ANKFN1: variants seen among roughly 807,000 people sequenced by gnomAD.
ANKFN1 encodes ankyrin repeat and fibronectin type-III domain-containing protein 1.
Under a neutral mutation model 108.7 loss-of-function variants are expected in ANKFN1, and 74 were observed. That is an observed-to-expected ratio of 0.68 (90% CI 0.56 to 0.83). The LOEUF (loss-of-function observed/expected upper bound fraction) is 0.83, where lower values mean the gene tolerates loss of function less well. Ranked by LOEUF, ANKFN1 falls within the 40% of genes least tolerant of loss-of-function variation. The pLI, the probability that ANKFN1 is intolerant of heterozygous loss-of-function variation, is 0.00. For synonymous variants in ANKFN1, 547 were observed against 516.2 expected, an observed-to-expected ratio of 1.06 and a Z score of -0.81; for missense variants, 1,505 against 1,382.3, an observed-to-expected ratio of 1.09 and a Z score of -1.41.
intron 1 of ANKFN1, among the ~76,000 whole-genome samples, chr17:56,207,887 T>C (rs1914662735): frequency 6.6e-6 from 1 of 152,200 alleles, no homozygotes; most frequent in Admixed American, 6.5e-5. Context: ...ATATCCATAG[T>C]TTAAGCAAAT....
intron 1 of ANKFN1, among the ~76,000 whole-genome samples, chr17:56,199,901 G>C (rs1331769138): frequency 1.3e-5 from 2 of 152,152 alleles, no homozygotes; most frequent in Non-Finnish European, 2.9e-5. Context: ...GCCAGTTCCA[G>C]TTCCTAAGCC....
chr17:56,482,443 G>A lies in ANKFN1; in HGVS notation c.2179G>A (p.Val727Ile), dbSNP rs765433509. The change falls in exon 18 of 21, where the codon GTC becomes ATC. Residue 727 changes from valine (V) to isoleucine (I), a missense_variant. Val to Ile is a conservative substitution (Grantham distance 29). Coordinates refer to ENST00000682825, the MANE Select transcript of ANKFN1 (RefSeq NM_001370326.1). ...FLLLLPASDD[V>I]CTAPGQNNPY... ...TCTCCTGCTCCCTGCCTCAGACGACGTCTGTACAGCCCCAGGACAGAATAA... is the reference window on the plus strand; with the variant it reads ...TCTCCTGCTCCCTGCCTCAGACGACATCTGTACAGCCCCAGGACAGAATAA... 162 of 1,613,540 alleles carry A rather than the reference G, an allele frequency of 1.0e-4. 2 individuals carry two copies. The highest frequency in any genetic ancestry group is 2.5e-4 in the South Asian group (23 of 90,984).
rs1173100959 is a variant in ANKFN1, at chr17:56,188,545, A to ATGTGTGTG, written c.-70-24043_-70-24036dup. On this transcript the variant is annotated intron_variant, in intron 1 of 20. Coordinates refer to ENST00000682825, the MANE Select transcript of ANKFN1 (RefSeq NM_001370326.1). ...ATATAAGAAATAAAATAAGATGTATATGTGTGTGTGTGTGTGTATGTGTGT... is the reference window on the plus strand; with the variant it reads ...ATATAAGAAATAAAATAAGATGTATATGTGTGTGTGTGTGTGTGTGTGTGTATGTGTGT... 1.6e-3 allele frequency among the ~76,000 whole-genome samples: 138 copies of ATGTGTGTG among 87,054 alleles called. 1 individual carries two copies. Among genetic ancestry groups the ATGTGTGTG allele is most frequent in the African/African-American group, 6.6e-3 (127 of 19,376 alleles). 57.1% of individuals were successfully genotyped at this position (87,054 alleles called of 152,430 possible).
intron 4 of ANKFN1, among the ~76,000 whole-genome samples, chr17:56,058,649 T>A (rs1233968975): frequency 2.0e-5 from 3 of 151,982 alleles, no homozygotes; most frequent in Non-Finnish European, 4.4e-5. Flanking sequence ...GTGTTCTCAT[T>A]GTTCAACTCA....
At chr17:56,085,207 A>ATC (rs1387648622) in intron 4 of ANKFN1, among the ~76,000 whole-genome samples, 2 of 133,638 alleles carry the variant, frequency 1.5e-5, no homozygotes, top group Non-Finnish European at 3.3e-5. Flanking sequence ...ATATATATAT[A>ATC]TCTCCACATC....
intron 3 of ANKFN1, among the ~76,000 whole-genome samples, chr17:56,251,909 T>A (rs986743237): frequency 6.6e-6 from 1 of 152,212 alleles, no homozygotes; most frequent in African/African-American, 2.4e-5. Flanking sequence ...ATCTATTTAG[T>A]AAATGCTTAC....
chr17:56,391,977 G>A lies in ANKFN1; in HGVS notation c.910+17263G>A, dbSNP rs567337947. Among the ~76,000 whole-genome samples the A allele has an allele frequency of 1.5e-4, 23 of 152,198 alleles. No homozygotes were observed. In the South Asian group the frequency reaches 2.9e-3, roughly 19 times the overall value. On this transcript the variant is annotated intron_variant, in intron 8 of 20. Coordinates refer to ENST00000682825, the MANE Select transcript of ANKFN1 (RefSeq NM_001370326.1). ...CGTGTCAGACTGTATTCTAGGCAGC[G>A]GGGATGTAACCATAAACAAACAGAC... is the stretch of plus-strand genomic sequence containing the variant.
chr17:56,458,713 G>A, intron 14 of ANKFN1, among the ~76,000 whole-genome samples: 1 of 152,026 alleles, frequency 6.6e-6, no homozygotes. Flanking sequence ...CTGCTACATG[G>A]GATTGGAGCC....
At chr17:56,261,085 G>A (rs1231392807) in intron 3 of ANKFN1, among the ~76,000 whole-genome samples, 1 of 152,206 alleles carries the variant, frequency 6.6e-6, no homozygotes, top group Non-Finnish European at 1.5e-5. Flanking sequence ...TTAAAAAGCA[G>A]TGACCTGGTG....
intron 3 of ANKFN1, among the ~76,000 whole-genome samples, chr17:56,240,471 T>G (rs1917497987): frequency 6.6e-6 from 1 of 152,122 alleles, no homozygotes; most frequent in Non-Finnish European, 1.5e-5. Flanking sequence ...TTGTTGCCAA[T>G]TTTTGCTATA....
At chr17:56,228,772 TCAA>T (rs1032496029) in intron 3 of ANKFN1, among the ~76,000 whole-genome samples, 21 of 152,028 alleles carry the variant, frequency 1.4e-4, no homozygotes, top group African/African-American at 4.6e-4. Flanking sequence ...AAGCAAGTAA[TCAA>T]CAACTATAAG....
intron 1 of ANKFN1, among the ~76,000 whole-genome samples, chr17:56,202,099 C>T (rs545160490): frequency 5.3e-5 from 8 of 152,252 alleles, no homozygotes; most frequent in African/African-American, 1.9e-4. Context: ...TTTCCAGAGG[C>T]CAGAAGGCAA....
chr17:56,104,555 G>A (rs1014585390), intron 4 of ANKFN1, among the ~76,000 whole-genome samples: 4 of 152,156 alleles, frequency 2.6e-5, no homozygotes, highest in African/African-American at 9.7e-5. Context: ...AGTCCCCTGT[G>A]GGTATCAGGT....
chr17:56,337,107 T>G (rs2045832634), intron 4 of ANKFN1, among the ~76,000 whole-genome samples: 1 of 152,178 alleles, frequency 6.6e-6, no homozygotes, highest in African/African-American at 2.4e-5. Flanking sequence ...TTTCTGTTCT[T>G]TTACATTTGC....
At chr17:56,150,382 G>A (rs182304058), upstream of ANKFN1, among the ~76,000 whole-genome samples, 4 of 152,276 alleles carry the variant, frequency 2.6e-5, no homozygotes, top group Admixed American at 6.5e-5. Flanking sequence ...CTGGGTTACC[G>A]ATACCCCCTT....
chr17:56,091,099 A>G (rs1567784913), intron 4 of ANKFN1, among the ~76,000 whole-genome samples: 1 of 151,046 alleles, frequency 6.6e-6, no homozygotes, highest in Non-Finnish European at 1.5e-5. Context: ...AAAGCATAAG[A>G]CGTAGTAGCG....
At chr17:56,169,603 G>C (rs1003922155) in intron 1 of ANKFN1, among the ~76,000 whole-genome samples, 3 of 152,142 alleles carry the variant, frequency 2.0e-5, no homozygotes, top group Admixed American at 6.5e-5. Flanking sequence ...CATCCACCAA[G>C]TGAGAAGGAA....
chr17:56,089,308 A>G (rs974190444), intron 4 of ANKFN1, among the ~76,000 whole-genome samples: 8 of 151,352 alleles, frequency 5.3e-5, no homozygotes, highest in Non-Finnish European at 7.4e-5. Context: ...TAATTTTCCT[A>G]TTGATGAACA....
At chr17:56,374,832 T>C (rs1294037489) in intron 8 of ANKFN1, 118 bp downstream of exon 8, 3 of 770,934 alleles carry the variant, frequency 3.9e-6, no homozygotes, top group Non-Finnish European at 6.2e-6. Context: ...TTTTATCCCA[T>C]TGACTTTTGA....
Sources: allele counts gnomAD v4.1 joint callset (sites outside exome capture counted in the v4.1 genomes callset), GRCh38; gene constraint gnomAD v4.1.1; transcripts MANE v1.5; gene names NCBI Gene and HGNC (gene_info 2026-07-23, HGNC 2026-07-21).